Variants in CACNA1B observed in about 807,000 individuals in gnomAD.
CACNA1B encodes the protein voltage-dependent N-type calcium channel subunit alpha-1B.
A neutral mutation model predicts 247.2 loss-of-function variants in CACNA1B; 70 were observed. The ratio of observed to expected loss-of-function variants is 0.28; its 90% CI spans 0.23 to 0.35. CACNA1B has a LOEUF of 0.35. Ranked by LOEUF, CACNA1B falls within the 10% of genes least tolerant of loss-of-function variation. CACNA1B has a pLI of 1.00. For synonymous variants in CACNA1B, 1,231 were observed against 1,294.4 expected, an observed-to-expected ratio of 0.95 and a Z score of 1.05; for missense variants, 2,367 against 3,197.4, an observed-to-expected ratio of 0.74 and a Z score of 6.26.
rs1394234701 is a variant in CACNA1B at position 138,023,630 on chromosome 9, C to G, written c.2887C>G (p.Arg963Gly). The change falls in exon 19 of 47, where the codon CGA becomes GGA. Residue 963 changes from arginine to glycine, a missense_variant. Arg to Gly is a moderately radical substitution (Grantham distance 125). This residue lies in a region of CACNA1B where 631 missense variants were observed against 631.1 expected (regional missense o/e 1.00). Coordinates refer to ENST00000371372, the MANE Select transcript of CACNA1B (RefSeq NM_000718.4). The stretch of plus-strand genomic sequence containing the variant: ...GCGCGCGCGGCACCGCGGCGGCCCC[C>G]GAGCGGGGCCCCGGGAGGCGGAGAG... ...ERRARHRGGP[R>G]AGPREAESGE... The G allele has an allele frequency of 5.4e-6, 7 of 1,287,188 alleles. No homozygotes were observed. The highest frequency in any genetic ancestry group is 3.2e-5 in the African/African-American group (2 of 62,722). 79.7% of individuals were successfully genotyped at this position (1,287,188 alleles called of 1,614,324 possible). A position where few individuals can be genotyped will look rare whatever the true frequency, so the allele number is the denominator to read the frequency against.
Position 137,952,322 on chromosome 9 carries a change from C to G in CACNA1B, c.1015C>G (p.Leu339Val). 1.2e-6 allele frequency: 2 copies of G among 1,613,832 alleles called. No homozygotes were observed. The highest frequency in any genetic ancestry group is 1.7e-6 in the Non-Finnish European group (2 of 1,179,816). Residue 339 changes from leucine (L) to valine (V), a missense_variant, in exon 7 of 47, where the codon CTC becomes GTC. By Grantham distance (32) the Leu-to-Val change is conservative (BLOSUM62 1). Around this residue, in one of 12 missense-constraint regions of CACNA1B, gnomAD observed 32 missense variants for 37.2 expected, o/e 0.86. Transcript: ENST00000371372. This position sits in a 1 kb window ranked among gnomAD's most constrained non-coding sequence, Gnocchi z 4.8. ...CTGGAACTGGCTCTACTTCATCCCTCTCATCATCATCGGCTCCTTCTTCAT... is the reference window on the plus strand; with the variant it reads ...CTGGAACTGGCTCTACTTCATCCCTGTCATCATCATCGGCTCCTTCTTCAT... ...NTWNWLYFIP[L>V]IIIGSFFMLN...
chr9:137,929,735 C>G (rs1424893206), intron 6 of CACNA1B, among the ~76,000 whole-genome samples: 1 of 152,004 alleles, frequency 6.6e-6, no homozygotes, highest in Non-Finnish European at 1.5e-5. Flanking sequence ...TCACTGTAGC[C>G]TCAATTTCCT....
In CACNA1B at chr9:138,090,701, C is replaced by CAAAAAAAAA. The variant is rs1173964720; in HGVS notation, c.5095-5758_5095-5750dup. On this transcript the variant is annotated intron_variant, in intron 36 of 46. Transcript: ENST00000371372. ...TACAAGGTGAAACTCAACCCATCAGCAAAAAAAAAAAAAAAAAAAAAAAAA... is the reference window on the plus strand; with the variant it reads ...TACAAGGTGAAACTCAACCCATCAGCAAAAAAAAAAAAAAAAAAAAAAAAAAAAAAAAAA... Among the ~76,000 whole-genome samples the CAAAAAAAAA allele has an allele frequency of 2.2e-3, 37 of 16,590 alleles. 1 individual carries two copies. Among genetic ancestry groups the CAAAAAAAAA allele is most frequent in the East Asian group, 0.011 (2 of 180 alleles). The allele number at this position is 16,590 out of a possible 152,430, so 10.9% of individuals were successfully genotyped here.
chr9:137,895,309 A>G (rs1040075327), intron 3 of CACNA1B, among the ~76,000 whole-genome samples: 1 of 152,144 alleles, frequency 6.6e-6, no homozygotes, highest in Non-Finnish European at 1.5e-5. Flanking sequence ...CTTTCAAATT[A>G]TTTTAGCTAT....
chr9:138,023,250 C>T lies in CACNA1B; in HGVS notation c.2507C>T (p.Pro836Leu), dbSNP rs1021330422. Reference protein sequence around the residue: ...ARGPVGGKARPEAAEAPEGVD... With the variant: ...ARGPVGGKARLEAAEAPEGVD... ...GGGCCCGTGGGAGGCAAAGCCCGAC[C>T]TGAGGCTGCGGAGGCCCCCGAGGGC... Residue 836 changes from proline (P) to leucine (L), a missense_variant, in exon 19 of 47, where the codon CCT (proline) becomes CTT (leucine). Physicochemically the swap from Pro to Leu is moderately conservative, Grantham distance 98 (BLOSUM62 -3). Transcript: ENST00000371372. 2.6e-5 allele frequency: 40 copies of T among 1,515,068 alleles called. No homozygotes were observed. The East Asian group carries it at 8.8e-4, about 34-fold the overall frequency. The allele number at this position is 1,515,068 out of a possible 1,614,324, so 93.9% of individuals were successfully genotyped here.
chr9:137,892,795 C>G (rs975281724), intron 3 of CACNA1B, among the ~76,000 whole-genome samples: 7 of 152,230 alleles, frequency 4.6e-5, no homozygotes, highest in African/African-American at 1.7e-4. Context: ...AATGGTGTCC[C>G]TGTTCCCATC....
At chr9:138,044,003 T>A in intron 21 of CACNA1B, 103 bp downstream of exon 21, 1 of 1,431,080 alleles carries the variant, frequency 7.0e-7, no homozygotes, top group Non-Finnish European at 9.6e-7. Context: ...CGCACTTATG[T>A]AGAGAAACGG....
intron 18 of CACNA1B, among the ~76,000 whole-genome samples, chr9:138,022,724 T>C (rs1464093457): frequency 6.6e-6 from 1 of 151,320 alleles, no homozygotes; most frequent in Non-Finnish European, 1.5e-5. Context: ...CCCACTGTCC[T>C]GTACCCCTCG....
rs1213653589 is a variant in CACNA1B, at chr9:138,023,269, C to A, written c.2526C>A (p.Pro842=). 2.6e-6 allele frequency: 4 copies of A among 1,515,406 alleles called. No homozygotes were observed. The South Asian group carries it at 4.9e-5, about 19-fold the overall frequency. The allele number at this position is 1,515,406 out of a possible 1,614,324, so 93.9% of individuals were successfully genotyped here. A position where few individuals can be genotyped will look rare whatever the true frequency, so the allele number is the denominator to read the frequency against. The change falls in exon 19 of 47, where the codon CCC becomes CCA. Residue 842 remains proline (P), a synonymous_variant. Transcript: ENST00000371372. The part of the protein sequence containing the change: ...GKARPEAAEA[P]EGVDPPRRHH... ...CCCGACCTGAGGCTGCGGAGGCCCC[C>A]GAGGGCGTCGACCCTCCGCGCAGGC...
chr9:138,105,861 G>T, intron 39 of CACNA1B, 54 bp downstream of exon 39: 1 of 966,380 alleles, frequency 1.0e-6, no homozygotes, highest in South Asian at 1.4e-5. Flanking sequence ...GTGCACCTCC[G>T]CCCTCAGTGT....
chr9:138,009,505 G>A (rs564690060), intron 16 of CACNA1B, among the ~76,000 whole-genome samples: 2 of 152,230 alleles, frequency 1.3e-5, no homozygotes, highest in East Asian at 1.9e-4. Flanking sequence ...TTGCAAGCTC[G>A]TGGTTTGTCT....
At chr9:138,085,540 C>A (rs1205101875) in intron 36 of CACNA1B, among the ~76,000 whole-genome samples, 1 of 151,050 alleles carries the variant, frequency 6.6e-6, no homozygotes, top group Non-Finnish European at 1.5e-5. Flanking sequence ...CTCAACAGTC[C>A]CCCAATAGAT....
At chr9:138,003,571 AAAAT>A (rs1247763216) in intron 15 of CACNA1B, among the ~76,000 whole-genome samples, 5 of 152,278 alleles carry the variant, frequency 3.3e-5, no homozygotes, top group Non-Finnish European at 7.4e-5. Flanking sequence ...TTTTAATACA[AAAAT>A]AAAAGCAAAC....
Position 138,012,931 on chromosome 9 carries a change from G to T in CACNA1B, c.2161-198G>T, listed in dbSNP as rs182816069. On this transcript the variant is annotated intron_variant, in intron 17 of 46. Coordinates refer to ENST00000371372, the MANE Select transcript of CACNA1B (RefSeq NM_000718.4). This position sits in a 1 kb window ranked among gnomAD's most constrained non-coding sequence, Gnocchi z 4.2. The stretch of plus-strand genomic sequence containing the variant: ...GACACAGAAGGGAAGGCCCTGGAGA[G>T]CACCAGAGACAGCTCCTGTGGAACA... 2.6e-5 allele frequency among the ~76,000 whole-genome samples: 4 copies of T among 152,150 alleles called. No individual in the cohort carries two copies. In the East Asian group the frequency reaches 5.8e-4, roughly 22 times the overall value.
At chr9:137,922,589 T>A (rs774606758) in intron 6 of CACNA1B, among the ~76,000 whole-genome samples, 2 of 151,602 alleles carry the variant, frequency 1.3e-5, no homozygotes, top group Non-Finnish European at 2.9e-5. Flanking sequence ...GAGGAGGAGG[T>A]GAGGAAATCA....
chr9:137,915,199 T>G (rs1325946805), intron 5 of CACNA1B, among the ~76,000 whole-genome samples: 1 of 152,218 alleles, frequency 6.6e-6, no homozygotes, highest in South Asian at 2.1e-4. Flanking sequence ...CAAAGGCCTA[T>G]GGTGCGGAGC....
chr9:137,959,627 G>A (rs1223382895), intron 10 of CACNA1B, among the ~76,000 whole-genome samples: 1 of 151,950 alleles, frequency 6.6e-6, no homozygotes, highest in South Asian at 2.1e-4. Context: ...CTTAGGCTTT[G>A]TTAGGAAATC....
intron 18 of CACNA1B, 49 bp from the exon 19 acceptor site, chr9:138,022,962 G>A: frequency 2.1e-6 from 3 of 1,447,974 alleles, no homozygotes; most frequent in Admixed American, 2.5e-5. Flanking sequence ...CCTGGAGAGC[G>A]GCGGGCGGGC....
chr9:137,895,813 A>G (rs7021325), intron 3 of CACNA1B, among the ~76,000 whole-genome samples: 44,944 of 152,114 alleles, frequency 0.3, 9,059 homozygotes, highest in East Asian at 0.62. Context: ...TAAAACCTGA[A>G]TGCCTTTTCT....
Sources: allele counts gnomAD v4.1 joint callset (sites outside exome capture counted in the v4.1 genomes callset), GRCh38; gene constraint gnomAD v4.1.1; regional missense constraint gnomAD v4.1.1; non-coding constraint Gnocchi (gnomAD v3.1); transcripts MANE v1.5; gene names NCBI Gene and HGNC (gene_info 2026-07-23, HGNC 2026-07-21).